Variants in FBXO11 observed in about 807,000 individuals in gnomAD.
FBXO11 encodes F-box protein 11.
In FBXO11, 13 loss-of-function variants were observed where a neutral mutation model predicts 117.0. That is an observed-to-expected ratio of 0.11 (90% CI 0.07 to 0.18). The LOEUF (loss-of-function observed/expected upper bound fraction) is 0.18, where lower values mean the gene tolerates loss of function less well. Ranked by LOEUF, FBXO11 falls within the 10% of genes least tolerant of loss-of-function variation. FBXO11 has a pLI of 1.00. For synonymous variants in FBXO11, 490 were observed against 380.5 expected (o/e 1.29, Z -3.35); for missense variants, 767 against 1,164.4 (o/e 0.66, Z 4.97).
chr2:47,816,282 C>T (rs537810841), intron 16 of FBXO11, among the ~76,000 whole-genome samples: 1 of 152,132 alleles, frequency 6.6e-6, no homozygotes, highest in Non-Finnish European at 1.5e-5. Flanking sequence ...TGGGCTCAAG[C>T]GATCCTCCCA....
rs142497067 is a variant in FBXO11 at position 47,814,344 on chromosome 2, G to C, written c.2007-477C>G. ...AAAAATACTTTATCGCTAAAAAAATGCTCATAACAATCTAAGCCTTCAGGG... is the reference window on the plus strand; with the variant it reads ...AAAAATACTTTATCGCTAAAAAAATCCTCATAACAATCTAAGCCTTCAGGG... On this transcript the variant is annotated intron_variant, in intron 16 of 22. Coordinates refer to ENST00000403359, the MANE Select transcript of FBXO11 (RefSeq NM_001190274.2). 3 of 149,394 alleles carry C rather than the reference G, an allele frequency of 2.0e-5. No individual in the cohort carries two copies. The East Asian group carries it at 5.9e-4, about 29-fold the overall frequency. 9.3% of individuals were successfully genotyped at this position (149,394 alleles called of 1,614,324 possible). A position where few individuals can be genotyped will look rare whatever the true frequency, so the allele number is the denominator to read the frequency against.
At chr2:47,839,577 T>C in intron 2 of FBXO11, 65 bp downstream of exon 2, 11 of 1,601,490 alleles carry the variant, frequency 6.9e-6, no homozygotes, top group South Asian at 1.1e-5. Context: ...AAGGATGACA[T>C]TCCCTTTTTT....
chr2:47,891,158 CCTT>C (rs368458836), intron 1 of FBXO11, among the ~76,000 whole-genome samples: 89 of 152,206 alleles, frequency 5.8e-4, no homozygotes, highest in African/African-American at 2.0e-3. Flanking sequence ...ATGAATACTA[CCTT>C]CTTAACAAAT....
In FBXO11 at chr2:47,893,609, T is replaced by A. The variant is rs188452105; in HGVS notation, c.232+11880A>T. On this transcript the variant is annotated intron_variant, in intron 1 of 22. Transcript: ENST00000403359. The stretch of plus-strand genomic sequence containing the variant: ...TTTCAAATTTTATTTAAACTCAGTT[T>A]CTTAACTTTAAGTTCCACAAGGGCA... 2.3e-3 allele frequency among the ~76,000 whole-genome samples: 349 copies of A among 152,344 alleles called. 2 individuals are homozygous for A. The highest frequency in any genetic ancestry group is 4.3e-3 in the Non-Finnish European group (295 of 68,030).
At chr2:47,857,846 A>C (rs1674431654) in intron 1 of FBXO11, among the ~76,000 whole-genome samples, 1 of 152,216 alleles carries the variant, frequency 6.6e-6, no homozygotes, top group Non-Finnish European at 1.5e-5. Context: ...CAAAATTACA[A>C]GACAGCCTTT....
At chr2:47,846,454 CG>C in intron 1 of FBXO11, among the ~76,000 whole-genome samples, 1 of 151,922 alleles carries the variant, frequency 6.6e-6, no homozygotes, top group South Asian at 2.1e-4. Context: ...GCAACAAAAA[CG>C]AAACTGTTTC....
At chr2:47,843,179 A>T (rs1673142842) in intron 1 of FBXO11, among the ~76,000 whole-genome samples, 1 of 152,194 alleles carries the variant, frequency 6.6e-6, no homozygotes, top group Non-Finnish European at 1.5e-5. Context: ...TTGAGGTCTA[A>T]TATGTGTAAT....
chr2:47,889,565 T>C (rs970840128), intron 1 of FBXO11, among the ~76,000 whole-genome samples: 8 of 151,992 alleles, frequency 5.3e-5, no homozygotes. Context: ...GTCCTACATT[T>C]TTAAAAAAAT....
At chr2:47,839,617 G>C in intron 2 of FBXO11, 25 bp downstream of exon 2, 2 of 1,605,538 alleles carry the variant, frequency 1.2e-6, no homozygotes. Flanking sequence ...ATTACAAAAA[G>C]AAAAGCAACT....
At chr2:47,856,060 A>G (rs891251002) in intron 1 of FBXO11, among the ~76,000 whole-genome samples, 2 of 152,190 alleles carry the variant, frequency 1.3e-5, no homozygotes, top group Non-Finnish European at 2.9e-5. Flanking sequence ...GCAGCGTGCT[A>G]TCATTACATT....
At chr2:47,819,153 A>T in intron 14 of FBXO11, 75 bp from the exon 15 acceptor site, 1 of 1,452,034 alleles carries the variant, frequency 6.9e-7, no homozygotes, top group Non-Finnish European at 9.3e-7. Context: ...CCCCCTTTAT[A>T]GACAGTTAAA....
At chr2:47,817,997 G>A (rs768096696) in intron 16 of FBXO11, among the ~76,000 whole-genome samples, 22 of 152,024 alleles carry the variant, frequency 1.4e-4, no homozygotes, top group Non-Finnish European at 2.4e-4. Flanking sequence ...AAAATACAAA[G>A]TCAGCCAGGC....
At chr2:47,822,517 G>T (rs940635568) in intron 12 of FBXO11, among the ~76,000 whole-genome samples, 1 of 152,076 alleles carries the variant, frequency 6.6e-6, no homozygotes, top group African/African-American at 2.4e-5. Context: ...CCTCAAAACA[G>T]CTAATACATT....
At chr2:47,850,646 G>A (rs1167352773) in intron 1 of FBXO11, among the ~76,000 whole-genome samples, 2 of 152,108 alleles carry the variant, frequency 1.3e-5, no homozygotes, top group African/African-American at 2.4e-5. Flanking sequence ...TAAAAAATAA[G>A]TAAAAAATGT....
intron 1 of FBXO11, among the ~76,000 whole-genome samples, chr2:47,844,902 G>T (rs1450970641): frequency 1.3e-5 from 2 of 152,182 alleles, no homozygotes; most frequent in Non-Finnish European, 2.9e-5. Context: ...CTCCCAAAGT[G>T]CTGGGATTAC....
chr2:47,824,680 T>A (rs1671619216), intron 11 of FBXO11, among the ~76,000 whole-genome samples: 2 of 152,182 alleles, frequency 1.3e-5, no homozygotes, highest in Admixed American at 1.3e-4. Flanking sequence ...CAATTTTGTT[T>A]AAAGGGAACT....
At chr2:47,890,669 G>T (rs1250383172) in intron 1 of FBXO11, among the ~76,000 whole-genome samples, 2 of 152,038 alleles carry the variant, frequency 1.3e-5, no homozygotes. Context: ...GCTGGACATG[G>T]TGGCAAGCGC....
chr2:47,837,194 C>G (rs887662266), intron 4 of FBXO11, among the ~76,000 whole-genome samples: 1 of 152,194 alleles, frequency 6.6e-6, no homozygotes, highest in Non-Finnish European at 1.5e-5. Flanking sequence ...TGTTCTGCTG[C>G]TCTTCATTCT....
chr2:47,816,278 C>A (rs529951198), intron 16 of FBXO11, among the ~76,000 whole-genome samples: 1 of 152,308 alleles, frequency 6.6e-6, no homozygotes, highest in East Asian at 1.9e-4. Context: ...TTCCTGGGCT[C>A]AAGCGATCCT....
Sources: allele counts gnomAD v4.1 joint callset (sites outside exome capture counted in the v4.1 genomes callset), GRCh38; gene constraint gnomAD v4.1.1; transcripts MANE v1.5; gene names NCBI Gene and HGNC (gene_info 2026-07-23, HGNC 2026-07-21).